The following MARCHF10 variants were observed in gnomAD, a reference collection of about 807,000 sequenced individuals.
MARCHF10 encodes the protein membrane associated ring-CH-type finger 10.
MARCHF10 carries 64 observed loss-of-function variants against 76.2 expected under a neutral mutation model. The observed-to-expected ratio is 0.84, with a 90% CI of 0.69 to 1.03. MARCHF10 has a LOEUF of 1.03. Ranked by LOEUF, MARCHF10 falls within the 50% of genes least tolerant of loss-of-function variation. MARCHF10 has a pLI of 0.00. For synonymous variants in MARCHF10, 340 were observed against 357.5 expected, an observed-to-expected ratio of 0.95 and a Z score of 0.55; for missense variants, 875 against 958.0, an observed-to-expected ratio of 0.91 and a Z score of 1.14.
At chr17:62,721,435 C>T (rs947752129) in intron 8 of MARCHF10, among the ~76,000 whole-genome samples, 1 of 151,608 alleles carries the variant, frequency 6.6e-6, no homozygotes, top group African/African-American at 2.4e-5. Flanking sequence ...TTGATTAGAA[C>T]AAGCCACCTG....
chr17:62,726,753 C>T (rs762700158), intron 6 of MARCHF10, among the ~76,000 whole-genome samples: 15 of 152,240 alleles, frequency 9.9e-5, no homozygotes, highest in Admixed American at 9.8e-4. Context: ...CTCAGCCTCC[C>T]GAGTAGCTGG....
chr17:62,730,731 TA>T (rs1010570019), intron 6 of MARCHF10, among the ~76,000 whole-genome samples: 1 of 151,986 alleles, frequency 6.6e-6, no homozygotes, highest in African/African-American at 2.4e-5. Context: ...CTGTCTCTAC[TA>T]AAAATACAAA....
rs2091364848 is a variant in MARCHF10 at position 62,738,102 on chromosome 17, C to CACACACACAAT, written c.536-771_536-770insATTGTGTGTGT. 2.0e-5 allele frequency among the ~76,000 whole-genome samples: 1 copy of CACACACACAAT among 49,182 alleles called. No individual in the cohort carries two copies. Among genetic ancestry groups the CACACACACAAT allele is most frequent in the African/African-American group, 9.2e-5 (1 of 10,876 alleles). The allele number at this position is 49,182 out of a possible 152,430, so 32.3% of individuals were successfully genotyped here. ...CACACACACACACACACACACACAA[C>CACACACACAAT]TTAAGCCTCACAACCCTGTGAAATA... On this transcript the variant is annotated intron_variant, in intron 5 of 10. Transcript: ENST00000311269. The surrounding 1 kb of genome is among the most constrained non-coding windows in gnomAD (Gnocchi z 4.0).
chr17:62,772,363 T>C (rs2092464964), intron 3 of MARCHF10, among the ~76,000 whole-genome samples: 1 of 152,184 alleles, frequency 6.6e-6, no homozygotes, highest in Non-Finnish European at 1.5e-5. Context: ...TCCCCAACCA[T>C]GTGGAACTGT....
At chr17:62,716,705 A>T (rs559302363) in intron 8 of MARCHF10, among the ~76,000 whole-genome samples, 1 of 151,764 alleles carries the variant, frequency 6.6e-6, no homozygotes. Flanking sequence ...AAAAAAAAAA[A>T]TTCTAAGTGG....
chr17:62,801,081 T>A (rs1214473560), intron 2 of MARCHF10, among the ~76,000 whole-genome samples: 5 of 107,058 alleles, frequency 4.7e-5, no homozygotes, highest in Non-Finnish European at 9.6e-5. Flanking sequence ...AGGGAAGTAC[T>A]TTTACAGTGT....
intron 3 of MARCHF10, among the ~76,000 whole-genome samples, chr17:62,767,020 T>C (rs11655129): frequency 0.5 from 75,479 of 151,882 alleles, 20,292 homozygotes; most frequent in East Asian, 0.71. Flanking sequence ...AGGCTGGAGG[T>C]AGCACATGAG....
chr17:62,744,286 G>A (rs2091622376), intron 5 of MARCHF10, 90 bp downstream of exon 5: 1 of 1,369,178 alleles, frequency 7.3e-7, no homozygotes, highest in Non-Finnish European at 1.0e-6. Flanking sequence ...AAAAGTACAA[G>A]TATCTAAAAA....
At chr17:62,731,839 C>CA (rs1366680202) in intron 6 of MARCHF10, among the ~76,000 whole-genome samples, 2 of 151,778 alleles carry the variant, frequency 1.3e-5, no homozygotes, top group Non-Finnish European at 2.9e-5. Flanking sequence ...AAGCAGCCCT[C>CA]AAAAAAATTG....
intron 3 of MARCHF10, among the ~76,000 whole-genome samples, chr17:62,774,550 T>C (rs1038614015): frequency 6.6e-6 from 1 of 152,028 alleles, no homozygotes; most frequent in African/African-American, 2.4e-5. Flanking sequence ...CCAGCTTCAC[T>C]GCGGCAGGGA....
At chr17:62,784,213 G>T (rs2092709416) in intron 3 of MARCHF10, among the ~76,000 whole-genome samples, 2 of 152,178 alleles carry the variant, frequency 1.3e-5, no homozygotes, top group Non-Finnish European at 2.9e-5. Context: ...TGCAAGGCTG[G>T]TTCAACATAG....
chr17:62,724,186 ATTT>A (rs11462196), intron 7 of MARCHF10, among the ~76,000 whole-genome samples: 9 of 138,272 alleles, frequency 6.5e-5, no homozygotes, highest in Non-Finnish European at 7.8e-5. Context: ...TGTTCCATGC[ATTT>A]TTTTTTTTTT....
chr17:62,754,364 C>T (rs888378004), intron 4 of MARCHF10, among the ~76,000 whole-genome samples: 7 of 152,198 alleles, frequency 4.6e-5, no homozygotes, highest in Admixed American at 1.3e-4. Context: ...TGAGCCACTG[C>T]GCCCGGCCAA....
intron 10 of MARCHF10, among the ~76,000 whole-genome samples, chr17:62,704,583 C>T (rs976950505): frequency 7.2e-5 from 11 of 152,234 alleles, no homozygotes; most frequent in African/African-American, 2.4e-4. Context: ...GCCTTCCAGG[C>T]AGGACTACTG....
At chr17:62,752,636 C>CTT (rs59495310) in intron 4 of MARCHF10, among the ~76,000 whole-genome samples, 1 of 146,154 alleles carries the variant, frequency 6.8e-6, no homozygotes, top group Admixed American at 6.8e-5. Flanking sequence ...ATTCCCTCTG[C>CTT]TTTTTTTTTT....
At chr17:62,718,530 A>G (rs1295727113) in intron 8 of MARCHF10, among the ~76,000 whole-genome samples, 2 of 152,150 alleles carry the variant, frequency 1.3e-5, no homozygotes, top group African/African-American at 2.4e-5. Flanking sequence ...GCTCTGATAG[A>G]TAGTATTCTG....
At chr17:62,716,069 G>A (rs537408271) in intron 8 of MARCHF10, among the ~76,000 whole-genome samples, 49 of 152,272 alleles carry the variant, frequency 3.2e-4, no homozygotes, top group Admixed American at 2.6e-3. Context: ...CTTTCCTTCC[G>A]CTGTTAAACA....
intron 1 of MARCHF10, 134 bp from the exon 2 acceptor site, chr17:62,801,886 C>T (rs989041494): frequency 1.5e-6 from 1 of 689,194 alleles, no homozygotes; most frequent in Non-Finnish European, 2.6e-6. Context: ...ACAGATGCTC[C>T]TTTCAAGCTG....
chr17:62,734,554 T>C (rs534701866), intron 6 of MARCHF10, among the ~76,000 whole-genome samples: 15 of 152,350 alleles, frequency 9.8e-5, no homozygotes, highest in African/African-American at 3.6e-4. Flanking sequence ...AATTAAGGCA[T>C]ATTGGAAAAT....
Sources: allele counts gnomAD v4.1 joint callset (sites outside exome capture counted in the v4.1 genomes callset), GRCh38; gene constraint gnomAD v4.1.1; non-coding constraint Gnocchi (gnomAD v3.1); transcripts MANE v1.5; gene names NCBI Gene and HGNC (gene_info 2026-07-23, HGNC 2026-07-21).